Variants in SPRY3 observed in about 807,000 individuals in gnomAD.
The protein encoded by SPRY3 is protein sprouty homolog 3.
A neutral mutation model predicts 20.2 loss-of-function variants in SPRY3; 15 were observed. The observed-to-expected ratio is 0.74, with a 90% confidence interval of 0.50 to 1.14. SPRY3 has a LOEUF of 1.14. Ranked by LOEUF, SPRY3 falls within the 50% of genes most tolerant of loss-of-function variation. SPRY3 has a pLI of 0.00. For synonymous variants in SPRY3, 143 were observed against 136.5 expected, an observed-to-expected ratio of 1.05 and a Z score of -0.33; for missense variants, 364 against 363.9, an observed-to-expected ratio of 1.00 and a Z score of 0.00.
intron 3 of SPRY3, among the ~76,000 whole-genome samples, chrX:155,773,071 A>G: frequency 6.6e-6 from 1 of 152,018 alleles, no homozygotes; most frequent in Non-Finnish European, 1.5e-5. Context: ...TAAAGCAGCC[A>G]GTAAGGTGAA....
intron 2 of SPRY3, among the ~76,000 whole-genome samples, chrX:155,739,660 G>A (rs941478838): frequency 1.3e-5 from 2 of 152,142 alleles, no homozygotes; most frequent in Non-Finnish European, 2.9e-5. Context: ...TTACATCCAG[G>A]TGAGGGAGGG....
chrX:155,712,410 C>G (rs1453243382), intron 2 of SPRY3, among the ~76,000 whole-genome samples: 1 of 151,928 alleles, frequency 6.6e-6, no homozygotes, highest in African/African-American at 2.4e-5. Flanking sequence ...TGTTCTCTTG[C>G]TGAATTGGCC....
At chrX:155,695,052 A>T (rs1021093779) in intron 2 of SPRY3, among the ~76,000 whole-genome samples, 11 of 111,765 alleles carry the variant, frequency 9.8e-5, no homozygotes, top group African/African-American at 3.2e-4. Context: ...ATAATGCTAT[A>T]ATTTTTGCTT....
intron 2 of SPRY3, among the ~76,000 whole-genome samples, chrX:155,713,275 T>A (rs2090999656): frequency 6.6e-6 from 1 of 152,092 alleles, no homozygotes; most frequent in African/African-American, 2.4e-5. Context: ...TCTGTATTTT[T>A]CTGTGTGCAT....
chrX:155,758,132 C>T (rs192694977), intron 2 of SPRY3, among the ~76,000 whole-genome samples: 27 of 152,272 alleles, frequency 1.8e-4, no homozygotes, highest in Non-Finnish European at 2.4e-4. Context: ...GAGGATGAAA[C>T]GATTCATTTA....
chrX:155,714,853 C>G (rs1197412796), intron 2 of SPRY3, among the ~76,000 whole-genome samples: 62 of 152,072 alleles, frequency 4.1e-4, no homozygotes, highest in Admixed American at 4.1e-3. Flanking sequence ...TCTCTGTGGC[C>G]ACCAACACCA....
chrX:155,686,262 A>C (rs1265420412), intron 2 of SPRY3, among the ~76,000 whole-genome samples: 1 of 110,660 alleles, frequency 9.0e-6, no homozygotes, highest in East Asian at 2.8e-4. Context: ...GTTGGCATCT[A>C]TTGTCCTTTC....
At chrX:155,652,807 T>C (rs1015347980) in intron 1 of SPRY3, among the ~76,000 whole-genome samples, 6 of 111,932 alleles carry the variant, frequency 5.4e-5, no homozygotes, top group African/African-American at 1.6e-4. Flanking sequence ...TTCCAGAATG[T>C]TTTTTGCCAT....
At chrX:155,768,799 A>G (rs1223334499) in intron 3 of SPRY3, among the ~76,000 whole-genome samples, 1 of 152,228 alleles carries the variant, frequency 6.6e-6, no homozygotes, top group African/African-American at 2.4e-5. Context: ...TAGGCATTTG[A>G]TAAGACCTAG....
intron 1 of SPRY3, among the ~76,000 whole-genome samples, chrX:155,622,327 G>T (rs2067874140): frequency 8.9e-6 from 1 of 112,008 alleles, no homozygotes; most frequent in African/African-American, 3.2e-5. Context: ...CAGTTAAAGT[G>T]AGAACTCCAT....
intron 2 of SPRY3, among the ~76,000 whole-genome samples, chrX:155,755,697 G>C (rs2091281161): frequency 6.6e-6 from 1 of 152,094 alleles, no homozygotes; most frequent in Admixed American, 6.6e-5. Flanking sequence ...TCTCCAGCCT[G>C]GGAAGATTTT....
chrX:155,746,162 ATTC>A (rs35301922), intron 2 of SPRY3, among the ~76,000 whole-genome samples: 16,829 of 151,754 alleles, frequency 0.11, 1,434 homozygotes, highest in African/African-American at 0.25. Context: ...TCATAAGAAA[ATTC>A]TTCTCTTTTC....
At chrX:155,686,742 A>C (rs1026865797) in intron 2 of SPRY3, among the ~76,000 whole-genome samples, 1 of 112,009 alleles carries the variant, frequency 8.9e-6, no homozygotes, top group African/African-American at 3.2e-5. Flanking sequence ...AAGCAATGGG[A>C]TTTGGCCCTG....
At chrX:155,704,277 A>G (rs1460046860) in intron 2 of SPRY3, among the ~76,000 whole-genome samples, 1 of 151,886 alleles carries the variant, frequency 6.6e-6, no homozygotes. Flanking sequence ...TGGACAACAC[A>G]CAAGATAGAT....
intron 1 of SPRY3, among the ~76,000 whole-genome samples, chrX:155,645,390 G>A (rs1389387600): frequency 8.9e-6 from 1 of 111,788 alleles, no homozygotes; most frequent in Non-Finnish European, 1.9e-5. Context: ...TCACCTAGGA[G>A]TTACAGTCCT....
chrX:155,622,845 A>G (rs1222179294), intron 1 of SPRY3, among the ~76,000 whole-genome samples: 5 of 112,455 alleles, frequency 4.4e-5, no homozygotes, highest in African/African-American at 1.6e-4. Flanking sequence ...AGAAACATTT[A>G]TAACAGATAT....
At chrX:155,620,203 T>C (rs2067866697) in intron 1 of SPRY3, among the ~76,000 whole-genome samples, 1 of 111,527 alleles carries the variant, frequency 9.0e-6, no homozygotes, top group Non-Finnish European at 1.9e-5. Flanking sequence ...TAAACACACT[T>C]TAGCAGATTC....
chrX:155,769,902 G>A (rs780240845), intron 3 of SPRY3, among the ~76,000 whole-genome samples: 1 of 152,118 alleles, frequency 6.6e-6, no homozygotes, highest in East Asian at 1.9e-4. Context: ...TATTTGTAAG[G>A]GGGGAGTGCT....
intron 2 of SPRY3, 48 bp from the exon 2 acceptor site, chrX:155,767,905 TTTTGTTTTG>T (rs2091351881): frequency 6.9e-6 from 1 of 145,014 alleles, no homozygotes; most frequent in African/African-American, 2.7e-5. Flanking sequence ...TCCCCCGTTT[TTTTGTTTTG>T]TTTTGTTTTG....
Sources: gnomAD v4.1 joint callset for allele counts (sites outside exome capture counted in the v4.1 genomes callset) on GRCh38, gnomAD v4.1.1 for gene constraint, MANE v1.5 for transcripts, NCBI Gene and HGNC (gene_info 2026-07-23, HGNC 2026-07-21) for gene names.